Variants in TBC1D19 observed in about 807,000 individuals in gnomAD.
TBC1D19 encodes TBC1 domain family, member 19.
TBC1D19 carries 60 observed loss-of-function variants against 89.0 expected under a neutral mutation model. The ratio of observed to expected loss-of-function variants is 0.67; its 90% CI spans 0.55 to 0.84. TBC1D19 has a LOEUF of 0.84. Ranked by LOEUF, TBC1D19 falls within the 40% of genes least tolerant of loss-of-function variation. The probability of loss-of-function intolerance (pLI) is 0.00; values close to 1 mark genes in which losing one functional copy is unlikely to be tolerated. For synonymous variants in TBC1D19, 189 were observed against 199.7 expected (o/e 0.95, Z 0.45); for missense variants, 500 against 610.8 (o/e 0.82, Z 1.91).
At chr4:26,618,195 T>G (rs917465971) in intron 3 of TBC1D19, among the ~76,000 whole-genome samples, 17 of 152,280 alleles carry the variant, frequency 1.1e-4, no homozygotes, top group African/African-American at 3.9e-4. Flanking sequence ...TACATCCCAG[T>G]TGGGCATACA....
At chr4:26,716,002 A>G (rs1050205184) in intron 13 of TBC1D19, among the ~76,000 whole-genome samples, 16 of 152,078 alleles carry the variant, frequency 1.1e-4, no homozygotes, top group Admixed American at 9.8e-4. Context: ...CACCTTCTCA[A>G]GGAAGCCTAC....
At chr4:26,767,823 T>C in the TBC1D19 span, among the ~76,000 whole-genome samples, 3,007 of 152,236 alleles carry the variant, frequency 0.02, 102 homozygotes, top group African/African-American at 0.068. Context: ...AAATCTAGAC[T>C]ATACAAAATA....
chr4:26,589,572 G>A (rs1739636667), intron 1 of TBC1D19, among the ~76,000 whole-genome samples: 1 of 152,076 alleles, frequency 6.6e-6, no homozygotes, highest in African/African-American at 2.4e-5. Context: ...CCCAGCTTTG[G>A]CATGTTCCAT....
intron 8 of TBC1D19, among the ~76,000 whole-genome samples, chr4:26,662,592 G>C (rs1240834363): frequency 6.6e-6 from 1 of 152,116 alleles, no homozygotes; most frequent in African/African-American, 2.4e-5. Context: ...ACCCAGTGCC[G>C]TGAATGAAAG....
the TBC1D19 span, among the ~76,000 whole-genome samples, chr4:26,840,633 C>T: frequency 1.3e-5 from 2 of 152,194 alleles, no homozygotes; most frequent in East Asian, 1.9e-4. Context: ...TTCTCCTCCT[C>T]GTGGGAAATG....
At chr4:26,747,129 G>A (rs1037165920) in intron 18 of TBC1D19, among the ~76,000 whole-genome samples, 8 of 152,198 alleles carry the variant, frequency 5.3e-5, no homozygotes, top group African/African-American at 1.9e-4. Context: ...CACAGAAAGT[G>A]AAACCGTAGG....
At chr4:26,666,459 G>T (rs1408984088) in intron 9 of TBC1D19, 54 bp downstream of exon 9, 3 of 1,426,516 alleles carry the variant, frequency 2.1e-6, no homozygotes, top group Admixed American at 1.9e-5. Flanking sequence ...TGAGCCTAAG[G>T]TTTATATTGC....
At chr4:26,723,407 G>A (rs1006858446) in intron 15 of TBC1D19, among the ~76,000 whole-genome samples, 11 of 152,132 alleles carry the variant, frequency 7.2e-5, no homozygotes, top group Middle Eastern at 3.4e-3. Context: ...GGCTTTCTTG[G>A]TCTCAGGGGA....
intron 1 of TBC1D19, among the ~76,000 whole-genome samples, chr4:26,588,879 A>G (rs769754946): frequency 3.2e-4 from 48 of 152,200 alleles, no homozygotes; most frequent in Admixed American, 1.3e-4. Flanking sequence ...AATTAGGTCT[A>G]GTAGGCAATT....
the TBC1D19 span, among the ~76,000 whole-genome samples, chr4:26,799,710 G>T: frequency 3.3e-5 from 5 of 152,142 alleles, no homozygotes; most frequent in Non-Finnish European, 7.4e-5. Context: ...TGAGGAATAG[G>T]CCCTCACCAA....
chr4:26,598,071 A>T (rs1311524061), intron 1 of TBC1D19, among the ~76,000 whole-genome samples: 1 of 152,178 alleles, frequency 6.6e-6, no homozygotes, highest in Non-Finnish European at 1.5e-5. Flanking sequence ...ATTTCATAAG[A>T]CATTGCTATT....
At chr4:26,604,204 A>G (rs1740825044) in intron 1 of TBC1D19, among the ~76,000 whole-genome samples, 2 of 127,594 alleles carry the variant, frequency 1.6e-5, no homozygotes, top group Non-Finnish European at 3.1e-5. Context: ...CCCAGGCTGG[A>G]GTGCAGTGGC....
Position 26,614,407 on chromosome 4 carries a change from G to A in TBC1D19, c.173-1G>A, listed in dbSNP as rs759998946. ...TATTTTATTCTTTTTTTAAAAAACA[G>A]GTTGGGAGAAGAAACTTCAGAATGC... On this transcript the variant is annotated splice_acceptor_variant, in intron 2 of 20. Coordinates refer to ENST00000264866, the MANE Select transcript of TBC1D19 (RefSeq NM_018317.4). LOFTEE classifies it high-confidence loss of function. The A allele has an allele frequency of 6.3e-7, 1 of 1,586,460 alleles. No homozygotes were observed. Among genetic ancestry groups the A allele is most frequent in the Admixed American group, 1.7e-5 (1 of 57,460 alleles).
At chr4:26,695,733 C>A (rs1484495254) in intron 13 of TBC1D19, among the ~76,000 whole-genome samples, 1 of 152,140 alleles carries the variant, frequency 6.6e-6, no homozygotes, top group Non-Finnish European at 1.5e-5. Context: ...AATTTTCAAC[C>A]CAGAATTTCA....
At chr4:26,591,135 G>A (rs553534307) in intron 1 of TBC1D19, among the ~76,000 whole-genome samples, 2 of 151,628 alleles carry the variant, frequency 1.3e-5, no homozygotes, top group African/African-American at 4.8e-5. Flanking sequence ...ATGTCATATA[G>A]TTGGAATTAT....
At chr4:26,826,295 T>A in the TBC1D19 span, among the ~76,000 whole-genome samples, 2 of 152,344 alleles carry the variant, frequency 1.3e-5, no homozygotes, top group South Asian at 4.1e-4. Context: ...GCATTCTGCC[T>A]GCCCATTGTT....
the TBC1D19 span, among the ~76,000 whole-genome samples, chr4:26,835,296 C>T: frequency 7.2e-5 from 11 of 152,270 alleles, no homozygotes; most frequent in African/African-American, 2.6e-4. Flanking sequence ...CCGGAGAACA[C>T]AAGGAAATGG....
At chr4:26,604,148 CTTTTT>C (rs1173641270) in intron 1 of TBC1D19, among the ~76,000 whole-genome samples, 26 of 120,728 alleles carry the variant, frequency 2.2e-4, no homozygotes, top group African/African-American at 9.1e-4. Flanking sequence ...TTTTCTTTTT[CTTTTT>C]TTTTTTTTTT....
At chr4:26,844,696 T>C in the TBC1D19 span, among the ~76,000 whole-genome samples, 1 of 152,228 alleles carries the variant, frequency 6.6e-6, no homozygotes, top group Admixed American at 6.5e-5. Flanking sequence ...CAGTTGCTTT[T>C]TTTGTGTTTT....
Sources: gnomAD v4.1 joint callset for allele counts (sites outside exome capture counted in the v4.1 genomes callset) on GRCh38, gnomAD v4.1.1 for gene constraint, MANE v1.5 for transcripts, NCBI Gene and HGNC (gene_info 2026-07-23, HGNC 2026-07-21) for gene names.